NBDY: variants seen among roughly 807,000 people sequenced by gnomAD.
NBDY encodes P-body dissociating protein.
intron 2 of NBDY, among the ~76,000 whole-genome samples, chrX:56,736,513 G>A (rs371081074): frequency 2.2e-4 from 25 of 111,953 alleles, no homozygotes; most frequent in African/African-American, 7.5e-4. Context: ...AGATCTGCCT[G>A]CCTCGGCCTC....
intron 2 of NBDY, among the ~76,000 whole-genome samples, chrX:56,781,068 A>T (rs1052243168): frequency 9.0e-6 from 1 of 111,388 alleles, no homozygotes; most frequent in African/African-American, 3.3e-5. Flanking sequence ...CATCGGGTGA[A>T]GTAAGGAACG....
intron 2 of NBDY, among the ~76,000 whole-genome samples, chrX:56,764,603 T>G (rs1431151105): frequency 9.4e-6 from 1 of 106,793 alleles, no homozygotes; most frequent in Non-Finnish European, 1.9e-5. Flanking sequence ...CAACTTCCAC[T>G]AGATGGCAAT....
At chrX:56,749,401 A>G (rs1210126622) in intron 2 of NBDY, among the ~76,000 whole-genome samples, 1 of 111,355 alleles carries the variant, frequency 9.0e-6, no homozygotes, top group Non-Finnish European at 1.9e-5. Context: ...AATACACACT[A>G]ACTTTTCCAG....
At chrX:56,760,080 G>A (rs779055181) in intron 2 of NBDY, among the ~76,000 whole-genome samples, 1 of 112,673 alleles carries the variant, frequency 8.9e-6, no homozygotes, top group East Asian at 2.8e-4. Context: ...AGGCTGCCGG[G>A]TTGTTCTGTC....
At chrX:56,792,905 A>G (rs932019442) in intron 2 of NBDY, among the ~76,000 whole-genome samples, 3 of 111,435 alleles carry the variant, frequency 2.7e-5, no homozygotes, top group African/African-American at 9.8e-5. Flanking sequence ...GCTGCTTAAA[A>G]ACGGACCCTG....
chrX:56,807,425 T>A (rs2069858014), intron 2 of NBDY, among the ~76,000 whole-genome samples: 2 of 111,941 alleles, frequency 1.8e-5, no homozygotes. Flanking sequence ...ATTTTCATGA[T>A]ATTGATTCTT....
At chrX:56,762,457 G>A (rs2069642641) in intron 2 of NBDY, among the ~76,000 whole-genome samples, 3 of 111,019 alleles carry the variant, frequency 2.7e-5, no homozygotes, top group African/African-American at 9.9e-5. Flanking sequence ...TGCTAGGCAA[G>A]GAGAAAGCTT....
At chrX:56,806,041 A>C (rs915610782) in intron 2 of NBDY, among the ~76,000 whole-genome samples, 4 of 109,418 alleles carry the variant, frequency 3.7e-5, no homozygotes, top group African/African-American at 1.3e-4. Context: ...TCATTGTTCA[A>C]CTCCCACTTA....
At chrX:56,762,879 G>T (rs1407721740) in intron 2 of NBDY, among the ~76,000 whole-genome samples, 3 of 111,478 alleles carry the variant, frequency 2.7e-5, no homozygotes, top group African/African-American at 9.8e-5. Flanking sequence ...AGAGACACAT[G>T]CAGACACACA....
At chrX:56,783,179 C>G (rs1301061157) in intron 2 of NBDY, among the ~76,000 whole-genome samples, 1 of 112,963 alleles carries the variant, frequency 8.9e-6, no homozygotes, top group African/African-American at 3.2e-5. Flanking sequence ...CTTGCTGGCT[C>G]TTGGCCTGCC....
At chrX:56,807,722 C>T (rs1302788180) in intron 2 of NBDY, among the ~76,000 whole-genome samples, 1 of 111,860 alleles carries the variant, frequency 8.9e-6, no homozygotes, top group Non-Finnish European at 1.9e-5. Context: ...TGGGCTGAGA[C>T]GATGGGGTTT....
intron 1 of NBDY, among the ~76,000 whole-genome samples, 181 bp from the exon 2 acceptor site, chrX:56,731,882 G>A (rs2146710302): frequency 9.0e-6 from 1 of 111,666 alleles, no homozygotes; most frequent in South Asian, 3.8e-4. Context: ...CCTGATTCCA[G>A]AGTTTATGCT....
At chrX:56,787,534 C>T (rs1287817593) in intron 2 of NBDY, among the ~76,000 whole-genome samples, 4 of 111,777 alleles carry the variant, frequency 3.6e-5, no homozygotes, top group African/African-American at 9.8e-5. Context: ...TTCTTCTGAA[C>T]ATAAATGCAG....
intron 2 of NBDY, among the ~76,000 whole-genome samples, chrX:56,736,864 A>G (rs1289704900): frequency 8.9e-6 from 1 of 111,906 alleles, no homozygotes; most frequent in African/African-American, 3.2e-5. Flanking sequence ...AGCAGTGAAG[A>G]GGCTGTTTTT....
chrX:56,782,843 A>G (rs147005831), intron 2 of NBDY, among the ~76,000 whole-genome samples: 1,496 of 111,786 alleles, frequency 0.013, 12 homozygotes, highest in Non-Finnish European at 0.018. Context: ...ACAGACACAG[A>G]CACAATACAT....
At chrX:56,790,856 G>A (rs1471721248) in intron 2 of NBDY, among the ~76,000 whole-genome samples, 2 of 112,302 alleles carry the variant, frequency 1.8e-5, no homozygotes, top group Non-Finnish European at 3.8e-5. Flanking sequence ...CACCTTTCTT[G>A]TCGCTTTCTG....
At chrX:56,746,495 A>C (rs1263494771) in intron 2 of NBDY, among the ~76,000 whole-genome samples, 1 of 111,283 alleles carries the variant, frequency 9.0e-6, no homozygotes, top group Non-Finnish European at 1.9e-5. Flanking sequence ...AATTTAAAAG[A>C]ACATATTTAT....
chrX:56,802,550 C>A (rs927706095), intron 2 of NBDY, among the ~76,000 whole-genome samples: 2 of 110,133 alleles, frequency 1.8e-5, no homozygotes, highest in Non-Finnish European at 3.8e-5. Flanking sequence ...TTGAGCTGTT[C>A]GCTCATTTTG....
chrX:56,805,167 C>T (rs2069842672), intron 2 of NBDY, among the ~76,000 whole-genome samples: 2 of 112,288 alleles, frequency 1.8e-5, no homozygotes, highest in African/African-American at 6.5e-5. Flanking sequence ...TGTCACTTGT[C>T]AACAAATGTG....
Sources: allele counts gnomAD v4.1 joint callset (sites outside exome capture counted in the v4.1 genomes callset), GRCh38; gene constraint gnomAD v4.1.1; transcripts MANE v1.5; gene names NCBI Gene and HGNC (gene_info 2026-07-23, HGNC 2026-07-21).